The following ABCB1 variants were observed in gnomAD, a reference collection of about 807,000 sequenced individuals.
The protein encoded by ABCB1 is ATP-dependent translocase ABCB1.
A neutral mutation model predicts 142.0 loss-of-function variants in ABCB1; 69 were observed. The ratio of observed to expected loss-of-function variants is 0.49; its 90% CI spans 0.40 to 0.59. ABCB1 has a LOEUF of 0.59. Ranked by LOEUF, ABCB1 falls within the 20% of genes least tolerant of loss-of-function variation. ABCB1 has a pLI of 0.00. For synonymous variants in ABCB1, 532 were observed against 539.2 expected (o/e 0.99, Z 0.18); for missense variants, 1,326 against 1,554.7 (o/e 0.85, Z 2.47).
At chr7:87,570,673 CAGTGAGCTCATCACCCAAT>C (rs1382036771) in intron 4 of ABCB1, among the ~76,000 whole-genome samples, 2 of 152,256 alleles carry the variant, frequency 1.3e-5, no homozygotes, top group East Asian at 3.9e-4. Context: ...TAATAAACAC[CAGTGAGCTCATCACCCAAT>C]ATTAGCAAAT....
At chr7:87,546,230 A>T (rs1345833245) in intron 14 of ABCB1, among the ~76,000 whole-genome samples, 1 of 152,246 alleles carries the variant, frequency 6.6e-6, no homozygotes, top group Admixed American at 6.5e-5. Flanking sequence ...ACACAAATAT[A>T]ACAGTCACAT....
chr7:87,547,055 C>T (rs78522169), intron 14 of ABCB1, among the ~76,000 whole-genome samples: 1 of 152,122 alleles, frequency 6.6e-6, no homozygotes, highest in East Asian at 1.9e-4. Context: ...CATAAAGGAA[C>T]AGAGCCAGAT....
At chr7:87,631,770 C>G (rs1821250641) in intron 1 of ABCB1, among the ~76,000 whole-genome samples, 1 of 152,120 alleles carries the variant, frequency 6.6e-6, no homozygotes, top group African/African-American at 2.4e-5. Flanking sequence ...GGAAATATAA[C>G]TGGGTTCTAG....
Position 87,553,864 on chromosome 7 carries a change from A to G in ABCB1, c.896T>C (p.Ile299Thr). 6.2e-7 allele frequency: 1 copy of G among 1,614,136 alleles called. No individual in the cohort carries two copies. Among genetic ancestry groups the G allele is most frequent in the Non-Finnish European group, 8.5e-7 (1 of 1,179,964 alleles). The change falls in exon 9 of 28, where the codon ATA becomes ACA. Residue 299 changes from isoleucine to threonine, a missense_variant. Physicochemically the swap from Ile to Thr is moderately conservative, Grantham distance 89 (BLOSUM62 -1). Coordinates refer to ENST00000622132, the MANE Select transcript of ABCB1 (RefSeq NM_001348946.2). ...IKKAITANISIGAAFLLIYAS... is the reference protein window; with the variant it reads ...IKKAITANISTGAAFLLIYAS... ...ATAGATCAGCAGGAAAGCAGCACCT[A>G]TAGAAATATTGGCTGTAATAGCTTT...
intron 1 of ABCB1, among the ~76,000 whole-genome samples, chr7:87,640,964 A>G (rs1584974722): frequency 6.6e-6 from 1 of 152,138 alleles, no homozygotes; most frequent in Admixed American, 6.5e-5. Flanking sequence ...TGTATTACTC[A>G]CATTTATCTT....
At position 87,515,251 on chromosome 7, in the gene ABCB1, C is replaced by T. The variant is rs57521326; in HGVS notation, c.3262G>A (p.Asp1088Asn). The T allele has an allele frequency of 1.7e-4, 272 of 1,613,876 alleles. No homozygotes were observed. In the African/African-American group the frequency reaches 3.1e-3, roughly 18 times the overall value. The change falls in exon 25 of 28, where the codon GAC becomes AAC. Residue 1088 changes from aspartate to asparagine, a missense_variant. Asp to Asn is a conservative substitution (Grantham distance 23). Coordinates refer to ENST00000622132, the MANE Select transcript of ABCB1 (RefSeq NM_001348946.2). ...TVVQLLERFY[D>N]PLAGKVLLDG... ...CTCACCACTTTCCCTGCCAAGGGGT[C>T]GTAGAACCGCTCCAGGAGCTGGACC...
At chr7:87,589,813 A>AGAGG (rs1304845088) in intron 3 of ABCB1, among the ~76,000 whole-genome samples, 2 of 145,730 alleles carry the variant, frequency 1.4e-5, no homozygotes, top group African/African-American at 5.3e-5. Context: ...GAGGAGAGAG[A>AGAGG]GAGAGAGAGA....
intron 1 of ABCB1, among the ~76,000 whole-genome samples, chr7:87,631,878 T>A (rs773497790): frequency 6.6e-6 from 1 of 152,210 alleles, no homozygotes; most frequent in Non-Finnish European, 1.5e-5. Context: ...GACTAGATCA[T>A]TGTTAACCTT....
chr7:87,566,763 C>T, intron 6 of ABCB1, 22 bp downstream of exon 6: 1 of 1,612,378 alleles, frequency 6.2e-7, no homozygotes, highest in Non-Finnish European at 8.5e-7. Context: ...CACCCAAGTT[C>T]AACATAAAAC....
chr7:87,683,617 C>A (rs1827153987), intron 1 of ABCB1, among the ~76,000 whole-genome samples: 1 of 152,116 alleles, frequency 6.6e-6, no homozygotes, highest in Admixed American at 6.6e-5. Flanking sequence ...ATTAAGCTTG[C>A]CATTTTATAC....
intron 1 of ABCB1, among the ~76,000 whole-genome samples, chr7:87,630,195 T>G (rs1372441508): frequency 1.3e-5 from 2 of 152,240 alleles, no homozygotes; most frequent in Non-Finnish European, 2.9e-5. Context: ...TATTTTTCCG[T>G]TATTTTTCTT....
chr7:87,585,454 C>G, intron 4 of ABCB1, 58 bp downstream of exon 4: 3 of 1,569,146 alleles, frequency 1.9e-6, no homozygotes, highest in East Asian at 2.2e-5. Context: ...AAACATCACT[C>G]TAAGTGCTTG....
chr7:87,598,102 A>G (rs1377193005), intron 2 of ABCB1, among the ~76,000 whole-genome samples: 1 of 152,170 alleles, frequency 6.6e-6, no homozygotes, highest in Non-Finnish European at 1.5e-5. Context: ...CAAACAGGAG[A>G]TTTAGCATAA....
intron 4 of ABCB1, among the ~76,000 whole-genome samples, chr7:87,580,910 T>C (rs915672761): frequency 2.6e-5 from 4 of 151,944 alleles, no homozygotes; most frequent in African/African-American, 9.7e-5. Flanking sequence ...AGACTCTCTT[T>C]CCTACCTTCT....
At chr7:87,652,397 T>C (rs1379662213) in intron 1 of ABCB1, among the ~76,000 whole-genome samples, 1 of 152,016 alleles carries the variant, frequency 6.6e-6, no homozygotes, top group East Asian at 1.9e-4. Flanking sequence ...TTCAGCAAAA[T>C]ATAGATCACA....
At chr7:87,536,655 T>A (rs1816308670) in intron 19 of ABCB1, 114 bp from the exon 20 acceptor site, 1 of 833,088 alleles carries the variant, frequency 1.2e-6, no homozygotes, top group Non-Finnish European at 2.0e-6. Context: ...CATTTAGTAC[T>A]CAGGATGTGA....
chr7:87,590,966 C>G (rs1035766502), intron 3 of ABCB1, among the ~76,000 whole-genome samples: 1 of 152,180 alleles, frequency 6.6e-6, no homozygotes. Flanking sequence ...ATTCTCCCCC[C>G]ACAGCCTGTC....
At chr7:87,579,049 T>C (rs1449704326) in intron 4 of ABCB1, among the ~76,000 whole-genome samples, 1 of 152,058 alleles carries the variant, frequency 6.6e-6, no homozygotes, top group African/African-American at 2.4e-5. Flanking sequence ...GTAGAAATGC[T>C]ACTGATTGTT....
intron 1 of ABCB1, among the ~76,000 whole-genome samples, chr7:87,644,705 T>G (rs1243903992): frequency 6.6e-6 from 1 of 152,074 alleles, no homozygotes; most frequent in Non-Finnish European, 1.5e-5. Flanking sequence ...AATATATGCT[T>G]GTTGTAAAGG....
Sources: allele counts gnomAD v4.1 joint callset (sites outside exome capture counted in the v4.1 genomes callset), GRCh38; gene constraint gnomAD v4.1.1; transcripts MANE v1.5; gene names NCBI Gene and HGNC (gene_info 2026-07-23, HGNC 2026-07-21).